CDH4: variants seen among roughly 807,000 people sequenced by gnomAD.
CDH4 encodes cadherin-4.
A neutral mutation model predicts 86.0 loss-of-function variants in CDH4; 33 were observed. The observed-to-expected ratio is 0.38, with a 90% confidence interval of 0.29 to 0.51. The LOEUF is 0.51. Among genes scored for constraint, CDH4 ranks in the 20% least tolerant of loss-of-function variants. CDH4 has a pLI of 0.86. For synonymous variants in CDH4, 555 were observed against 549.4 expected (o/e 1.01, Z -0.14); for missense variants, 1,114 against 1,307.4 (o/e 0.85, Z 2.28).
intron 9 of CDH4, among the ~76,000 whole-genome samples, chr20:61,911,684 A>T (rs2054852776): frequency 6.7e-6 from 1 of 150,170 alleles, no homozygotes; most frequent in South Asian, 2.1e-4. Flanking sequence ...TGGATAGGAT[A>T]TGCCGAAGCA....
At chr20:61,292,312 T>C (rs905617011) in intron 2 of CDH4, among the ~76,000 whole-genome samples, 1 of 152,254 alleles carries the variant, frequency 6.6e-6, no homozygotes, top group Non-Finnish European at 1.5e-5. Context: ...AGTTTCCTTT[T>C]CTGTAAGTAA....
intron 2 of CDH4, among the ~76,000 whole-genome samples, chr20:61,525,615 G>A (rs2085904127): frequency 1.3e-5 from 2 of 152,202 alleles, no homozygotes; most frequent in South Asian, 4.1e-4. Context: ...GATTGATCAG[G>A]TAGCTGCCGT....
At chr20:61,272,321 T>C (rs2084187700) in intron 2 of CDH4, among the ~76,000 whole-genome samples, 1 of 152,210 alleles carries the variant, frequency 6.6e-6, no homozygotes, top group African/African-American at 2.4e-5. Context: ...CCCAGTGGAA[T>C]GGAGGGGCTA....
At chr20:61,288,721 A>G (rs1231558779) in intron 2 of CDH4, among the ~76,000 whole-genome samples, 1 of 152,230 alleles carries the variant, frequency 6.6e-6, no homozygotes, top group African/African-American at 2.4e-5. Context: ...CTCACAGCAC[A>G]TGAAGGTGCC....
chr20:61,444,689 G>A (rs1233783595), intron 2 of CDH4, among the ~76,000 whole-genome samples: 1 of 143,132 alleles, frequency 7.0e-6, no homozygotes, highest in Non-Finnish European at 1.5e-5. Flanking sequence ...GTGTGTCTTT[G>A]TATACATCTG....
At chr20:61,486,231 G>C (rs2085595824) in intron 2 of CDH4, among the ~76,000 whole-genome samples, 1 of 152,212 alleles carries the variant, frequency 6.6e-6, no homozygotes, top group African/African-American at 2.4e-5. Flanking sequence ...CCAGAAACCT[G>C]CACAGTTCTA....
chr20:61,937,249 G>GAAAAAAAAAAAAAAAAAAAAAAAAGAA lies in CDH4; in HGVS notation c.*322_*323insAAAAAAAAGAAAAAAAAAAAAAAAAAA, dbSNP rs11481455. 1 of 109,710 alleles carries GAAAAAAAAAAAAAAAAAAAAAAAAGAA rather than the reference G, an allele frequency of 9.1e-6. No homozygotes were observed. Among genetic ancestry groups the GAAAAAAAAAAAAAAAAAAAAAAAAGAA allele is most frequent in the African/African-American group, 3.4e-5 (1 of 29,108 alleles). The allele number at this position is 109,710 out of a possible 1,614,324, so 6.8% of individuals were successfully genotyped here. A position where few individuals can be genotyped will look rare whatever the true frequency, so the allele number is the denominator to read the frequency against. On this transcript the variant is annotated 3_prime_UTR_variant, in exon 16 of 16. Coordinates refer to ENST00000614565, the MANE Select transcript of CDH4 (RefSeq NM_001794.5). ...AAAAAAAAAAAAAAGAAGAAAGAAA[G>GAAAAAAAAAAAAAAAAAAAAAAAAGAA]AAAAAAAAAAAAAAAAGAAAGTGCC...
intron 2 of CDH4, among the ~76,000 whole-genome samples, chr20:61,476,212 C>T (rs1600702394): frequency 1.3e-5 from 2 of 152,140 alleles, no homozygotes; most frequent in Non-Finnish European, 2.9e-5. Flanking sequence ...GAGTTCTTAC[C>T]CCACAAATAT....
chr20:61,397,957 G>T (rs1209628378), intron 2 of CDH4, among the ~76,000 whole-genome samples: 1 of 152,142 alleles, frequency 6.6e-6, no homozygotes, highest in Non-Finnish European at 1.5e-5. Flanking sequence ...ATTTTGGCCT[G>T]ACCTGCCCGA....
chr20:61,533,554 G>A (rs2085972259), intron 2 of CDH4, among the ~76,000 whole-genome samples: 1 of 152,260 alleles, frequency 6.6e-6, no homozygotes, highest in African/African-American at 2.4e-5. Flanking sequence ...GGCCGGGGCT[G>A]CTGGAGGTAG....
At chr20:61,463,028 C>G (rs1224531514) in intron 2 of CDH4, among the ~76,000 whole-genome samples, 1 of 152,192 alleles carries the variant, frequency 6.6e-6, no homozygotes, top group African/African-American at 2.4e-5. Context: ...GGGGTGGTTT[C>G]CACCATACTG....
At chr20:61,840,410 G>A (rs1350170434) in intron 4 of CDH4, among the ~76,000 whole-genome samples, 1 of 152,220 alleles carries the variant, frequency 6.6e-6, no homozygotes, top group African/African-American at 2.4e-5. Flanking sequence ...TTTGAAACCT[G>A]GCAAATCCTC....
chr20:61,862,686 G>A (rs1983381232), intron 6 of CDH4, among the ~76,000 whole-genome samples: 1 of 152,186 alleles, frequency 6.6e-6, no homozygotes, highest in South Asian at 2.1e-4. Context: ...CAGGCTCTCA[G>A]CATTTCTCAA....
intron 2 of CDH4, among the ~76,000 whole-genome samples, chr20:61,636,645 G>C (rs919536108): frequency 4.4e-4 from 67 of 152,320 alleles, no homozygotes; most frequent in African/African-American, 1.5e-3. Flanking sequence ...CTGTGGCCTA[G>C]GATGGAAGGC....
intron 2 of CDH4, among the ~76,000 whole-genome samples, chr20:61,372,115 G>A (rs752783999): frequency 7.2e-5 from 11 of 152,190 alleles, no homozygotes; most frequent in East Asian, 3.9e-4. Flanking sequence ...GAGAGAAGCC[G>A]TTCTCTGCCG....
chr20:61,469,403 G>C (rs937612163), intron 2 of CDH4, among the ~76,000 whole-genome samples: 1 of 152,118 alleles, frequency 6.6e-6, no homozygotes, highest in African/African-American at 2.4e-5. Context: ...TAAAAAACCA[G>C]ATTATTAGAT....
chr20:61,874,293 C>G (rs1387534552), intron 7 of CDH4, among the ~76,000 whole-genome samples: 1 of 152,100 alleles, frequency 6.6e-6, no homozygotes, highest in African/African-American at 2.4e-5. Context: ...CTGGCACCTC[C>G]AAGGAGACCC....
At chr20:61,841,106 C>T (rs1472082839) in intron 4 of CDH4, among the ~76,000 whole-genome samples, 1 of 152,226 alleles carries the variant, frequency 6.6e-6, no homozygotes, top group Non-Finnish European at 1.5e-5. Flanking sequence ...GTCCCTGGCG[C>T]CCACCTCCTG....
intron 7 of CDH4, among the ~76,000 whole-genome samples, chr20:61,877,302 G>A (rs1261287628): frequency 3.3e-5 from 5 of 152,032 alleles, no homozygotes; most frequent in African/African-American, 4.8e-5. Context: ...GCCAGACACC[G>A]AGGCAAGGCG....
Sources: allele counts gnomAD v4.1 joint callset (sites outside exome capture counted in the v4.1 genomes callset), GRCh38; gene constraint gnomAD v4.1.1; transcripts MANE v1.5; gene names NCBI Gene and HGNC (gene_info 2026-07-23, HGNC 2026-07-21).